Variants in USP37 observed in about 807,000 individuals in gnomAD.
USP37 encodes ubiquitin carboxyl-terminal hydrolase 37.
A neutral mutation model predicts 124.0 loss-of-function variants in USP37; 27 were observed. The ratio of observed to expected loss-of-function variants is 0.22; its 90% CI spans 0.16 to 0.30. The LOEUF (loss-of-function observed/expected upper bound fraction) is 0.30, where lower values mean the gene tolerates loss of function less well. Among genes scored for constraint, USP37 ranks in the 10% least tolerant of loss-of-function variants. The pLI, the probability that USP37 is intolerant of heterozygous loss-of-function variation, is 1.00. For synonymous variants in USP37, 365 were observed against 388.0 expected (o/e 0.94, Z 0.70); for missense variants, 889 against 1,140.4 (o/e 0.78, Z 3.17).
At chr2:218,456,592 T>C (rs1276128454) in intron 24 of USP37, among the ~76,000 whole-genome samples, 1 of 152,190 alleles carries the variant, frequency 6.6e-6, no homozygotes, top group Non-Finnish European at 1.5e-5. Context: ...CACTTATGAA[T>C]TGAGAAATCA....
rs1364345085 is a variant in USP37, at chr2:218,549,865, C to A, written c.373G>T (p.Gly125Cys). ...GTTTCCTTCTGTGAGGTCCTGCTGCCCAGAATGGCTCCAAAACTACCAGAC... is the reference window on the plus strand; with the variant it reads ...GTTTCCTTCTGTGAGGTCCTGCTGCACAGAATGGCTCCAAAACTACCAGAC... ...QGSGSFGAIL[G>C]SRTSQKETSR... The change falls in exon 6 of 26, where the codon GGC becomes TGC. Residue 125 changes from glycine to cysteine, a missense_variant. This residue lies in a region of USP37 where 374 missense variants were observed against 386.0 expected (regional missense o/e 0.97). Transcript: ENST00000258399. 1 of 1,612,820 alleles carries A rather than the reference C, an allele frequency of 6.2e-7. No individual in the cohort carries two copies. Among genetic ancestry groups the A allele is most frequent in the East Asian group, 2.2e-5 (1 of 44,716 alleles).
chr2:218,528,804 A>G (rs1029604324), intron 10 of USP37: 122 of 141,856 alleles, frequency 8.6e-4, no homozygotes, highest in East Asian at 2.0e-3. Flanking sequence ...AATAAATCTG[A>G]AAAAAAAAAA....
chr2:218,500,153 C>A (rs542174119), intron 11 of USP37, among the ~76,000 whole-genome samples: 4 of 152,290 alleles, frequency 2.6e-5, no homozygotes, highest in Admixed American at 2.6e-4. Context: ...CAGTTCACTA[C>A]AACCTCTGCC....
intron 10 of USP37, among the ~76,000 whole-genome samples, chr2:218,515,586 T>C (rs918549310): frequency 6.6e-6 from 1 of 152,112 alleles, no homozygotes; most frequent in African/African-American, 2.4e-5. Flanking sequence ...CCTAAATCCA[T>C]AAAAACCACA....
At chr2:218,543,501 CAAAAAAAA>C (rs35321679) in intron 8 of USP37, among the ~76,000 whole-genome samples, 13 of 36,958 alleles carry the variant, frequency 3.5e-4, no homozygotes, top group African/African-American at 1.5e-3. Flanking sequence ...GACTCCGTCT[CAAAAAAAA>C]AAAAAAAAAA....
In USP37 at chr2:218,560,177, C is replaced by T. The variant is rs11890792; in HGVS notation, c.-25+643G>A. ...TAAAATTGCGAACTCAAATTTTATA[C>T]TATTTCAAACCTTTAAAAACACTAC... On this transcript the variant is annotated intron_variant, in intron 3 of 25. Transcript: ENST00000258399. Among the ~76,000 whole-genome samples, 983 of 152,210 alleles carry T rather than the reference C, an allele frequency of 6.5e-3. 13 individuals carry two copies. The highest frequency in any genetic ancestry group is 0.022 in the African/African-American group (909 of 41,530).
At chr2:218,520,783 C>G (rs1017349644) in intron 10 of USP37, among the ~76,000 whole-genome samples, 7 of 152,210 alleles carry the variant, frequency 4.6e-5, no homozygotes, top group Non-Finnish European at 1.0e-4. Flanking sequence ...TCTCCTGACT[C>G]CCTGCAACCT....
At chr2:218,458,392 T>A (rs1333444099) in intron 23 of USP37, among the ~76,000 whole-genome samples, 1 of 151,248 alleles carries the variant, frequency 6.6e-6, no homozygotes, top group Non-Finnish European at 1.5e-5. Flanking sequence ...GCCAACATGG[T>A]GAAATTGCAT....
At chr2:218,497,620 CTGACCTCAG>C in intron 13 of USP37, 105 bp downstream of exon 13, 2 of 1,345,526 alleles carry the variant, frequency 1.5e-6, no homozygotes, top group Non-Finnish European at 1.0e-6. Flanking sequence ...TCTCAAACTC[CTGACCTCAG>C]TGACCTCAGG....
At chr2:218,551,858 T>A (rs1376843776) in intron 5 of USP37, among the ~76,000 whole-genome samples, 1 of 152,022 alleles carries the variant, frequency 6.6e-6, no homozygotes, top group Non-Finnish European at 1.5e-5. Context: ...AGTGGCGCAA[T>A]CTCGGCTCAC....
intron 16 of USP37, among the ~76,000 whole-genome samples, chr2:218,484,571 G>A (rs1421440884): frequency 6.6e-6 from 1 of 151,886 alleles, no homozygotes; most frequent in African/African-American, 2.4e-5. Context: ...GCGGTGAGCT[G>A]AGATCGTGCC....
Position 218,453,607 on chromosome 2 carries a change from T to C in USP37, c.*1323A>G, listed in dbSNP as rs1377004912. ...ATCCTCAAAAGAATTCTTTATATGG[T>C]TTCATAAGCTGCTTAACCAAGCTGG... On this transcript the variant is annotated 3_prime_UTR_variant, in exon 26 of 26. Transcript: ENST00000258399. 6.6e-6 allele frequency: 1 copy of C among 152,212 alleles called. No homozygotes were observed. The highest frequency in any genetic ancestry group is 1.5e-5 in the Non-Finnish European group (1 of 68,044). The allele number at this position is 152,212 out of a possible 1,614,324, so 9.4% of individuals were successfully genotyped here.
At chr2:218,507,870 TA>T (rs60775865) in intron 11 of USP37, among the ~76,000 whole-genome samples, 6,084 of 152,290 alleles carry the variant, frequency 0.04, 392 homozygotes, top group African/African-American at 0.14. Context: ...CTCTTCCCTA[TA>T]ACTAGTTCTG....
chr2:218,516,540 G>A (rs1323266546), intron 10 of USP37, among the ~76,000 whole-genome samples: 1 of 152,004 alleles, frequency 6.6e-6, no homozygotes, highest in Non-Finnish European at 1.5e-5. Flanking sequence ...GGGCCTGTCA[G>A]GGGATGGGGG....
At position 218,547,008 on chromosome 2, in the gene USP37, A is replaced by C; in HGVS notation, c.513T>G (p.Ile171Met). ...KVLGNPGRGS[I>M]KTVAGSGIAR... ...CTATTCCACTTCCTGCTACAGTCTT[A>C]ATCGATCCTCTACCCGGATTACCAA... The change falls in exon 7 of 26, where the codon ATT (isoleucine) becomes ATG (methionine). Residue 171 changes from isoleucine to methionine, a missense_variant. Physicochemically the swap from Ile to Met is conservative, Grantham distance 10. Coordinates refer to ENST00000258399, the MANE Select transcript of USP37 (RefSeq NM_020935.3). 6.2e-7 allele frequency: 1 copy of C among 1,613,762 alleles called. No individual in the cohort carries two copies. Among genetic ancestry groups the C allele is most frequent in the Non-Finnish European group, 8.5e-7 (1 of 1,179,942 alleles).
At chr2:218,540,388 A>G (rs976142930) in intron 8 of USP37, among the ~76,000 whole-genome samples, 1 of 152,176 alleles carries the variant, frequency 6.6e-6, no homozygotes, top group Admixed American at 6.5e-5. Flanking sequence ...CTATAATCCC[A>G]GCACTTTGGG....
Position 218,544,418 on chromosome 2 carries a change from T to A in USP37, c.680+1803A>T, listed in dbSNP as rs1483629195. On this transcript the variant is annotated intron_variant, in intron 8 of 25. Transcript: ENST00000258399. Reference sequence around the variant, plus strand: ...AAAAAAAAAAAAAAATATATATATATATATATATATATAGAGAGAGAGAGA... The same window carrying A: ...AAAAAAAAAAAAAAATATATATATAAATATATATATATAGAGAGAGAGAGA... Among the ~76,000 whole-genome samples, 34 of 50,796 alleles carry A rather than the reference T, an allele frequency of 6.7e-4. 2 individuals carry two copies. Among genetic ancestry groups the A allele is most frequent in the African/African-American group, 2.1e-3 (24 of 11,446 alleles). The allele number at this position is 50,796 out of a possible 152,430, so 33.3% of individuals were successfully genotyped here. A position where few individuals can be genotyped will look rare whatever the true frequency, so the allele number is the denominator to read the frequency against.
At chr2:218,476,435 C>T (rs1481338374) in intron 19 of USP37, among the ~76,000 whole-genome samples, 1 of 149,436 alleles carries the variant, frequency 6.7e-6, no homozygotes, top group Non-Finnish European at 1.5e-5. Flanking sequence ...ACTAGCCAGG[C>T]ATGGTGGTAC....
chr2:218,460,367 G>A (rs559973104), intron 22 of USP37, among the ~76,000 whole-genome samples: 12 of 152,122 alleles, frequency 7.9e-5, no homozygotes, highest in East Asian at 5.8e-4. Context: ...GTAATATGAC[G>A]GTCCAACACG....
Sources: gnomAD v4.1 joint callset for allele counts (sites outside exome capture counted in the v4.1 genomes callset) on GRCh38, gnomAD v4.1.1 for gene constraint, gnomAD v4.1.1 regional missense constraint, MANE v1.5 for transcripts, NCBI Gene and HGNC (gene_info 2026-07-23, HGNC 2026-07-21) for gene names.